PHOX2B: variants seen among roughly 807,000 people sequenced by gnomAD.
PHOX2B encodes the protein paired mesoderm homeobox protein 2B.
A neutral mutation model predicts 15.5 loss-of-function variants in PHOX2B; 1 was observed. The ratio of observed to expected loss-of-function variants is 0.06; its 90% confidence interval spans 0.02 to 0.31. The LOEUF is 0.31. Ranked by LOEUF, PHOX2B falls within the 10% of genes least tolerant of loss-of-function variation. The probability of loss-of-function intolerance (pLI) is 1.00; values close to 1 mark genes in which losing one functional copy is unlikely to be tolerated. For missense variants in PHOX2B, 314 were observed against 436.4 expected, an observed-to-expected ratio of 0.72 and a Z score of 2.50; for synonymous variants, 206 against 190.5, an observed-to-expected ratio of 1.08 and a Z score of -0.67.
At position 41,748,550 on chromosome 4, in the gene PHOX2B, T is replaced by G. The variant is rs780786684; in HGVS notation, c.61A>C (p.Met21Leu). 1 of 1,613,704 alleles carries G rather than the reference T, an allele frequency of 6.2e-7. No individual in the cohort carries two copies. The highest frequency in any genetic ancestry group is 8.5e-7 in the Non-Finnish European group (1 of 1,179,664). ...GCTGAAGCCAGGCTCGAGGTGTCCA[T>G]CCCAGCCATACAGGACTCGTAGGCA... ...SSAYESCMAG[M>L]DTSSLASAYA... Residue 21 changes from methionine (M) to leucine (L), a missense_variant, in exon 1 of 3, where the codon ATG becomes CTG. Met to Leu is a conservative substitution (Grantham distance 15). This residue lies in a region of PHOX2B where 102 missense variants were observed against 155.1 expected (regional missense o/e 0.66). Transcript: ENST00000226382.
chr4:41,747,663 T>C, intron 1 of PHOX2B, 127 bp from the exon 2 acceptor site: 1 of 791,102 alleles, frequency 1.3e-6, no homozygotes, highest in Non-Finnish European at 2.2e-6. Flanking sequence ...CGCGAGAGAG[T>C]TGCCGAGAGA....
Position 41,746,003 on chromosome 4 carries a change from G to T in PHOX2B, c.749C>A (p.Ala250Glu), listed in dbSNP as rs765803171. The T allele has an allele frequency of 5.2e-6, 6 of 1,160,646 alleles. No homozygotes were observed. Among genetic ancestry groups the T allele is most frequent in the Non-Finnish European group, 6.4e-6 (6 of 941,362 alleles). 71.9% of individuals were successfully genotyped at this position (1,160,646 alleles called of 1,614,324 possible). ...CGCCGCTGCCGCTGCCGCCGCCGCC[G>T]CTGCCGCGGCCGCCGCCGCTGCTGC... The part of the protein sequence containing the change: ...GAAAAAAAAA[A>E]AAAAAAAAAA... Residue 250 changes from alanine (A) to glutamate (E), a missense_variant, in exon 3 of 3, where the codon GCG (alanine) becomes GAG (glutamate). By Grantham distance (107) the Ala-to-Glu change is moderately radical (BLOSUM62 -1). Around this residue, in one of 7 missense-constraint regions of PHOX2B, gnomAD observed 157 missense variants for 169.0 expected, o/e 0.93. Transcript: ENST00000226382.
In PHOX2B at chr4:41,746,074, C is replaced by A. The variant is rs1577559118; in HGVS notation, c.678G>T (p.Ala226=). ...GGPSPAGAPG[A]AGPGGPGGEP... is the part of the protein sequence containing the mutation. Reference sequence around the variant, plus strand: ...CGCCTCCCGGGCCCCCGGGCCCCGCCGCCCCCGGAGCTCCAGCCGGGCTGG... The same window carrying A: ...CGCCTCCCGGGCCCCCGGGCCCCGCAGCCCCCGGAGCTCCAGCCGGGCTGG... The change falls in exon 3 of 3, where the codon GCG becomes GCT. Residue 226 remains alanine (A), a synonymous_variant. Transcript: ENST00000226382. The A allele has an allele frequency of 1.4e-6, 2 of 1,447,786 alleles. No individual in the cohort carries two copies. The highest frequency in any genetic ancestry group is 1.8e-6 in the Non-Finnish European group (2 of 1,108,960). The allele number at this position is 1,447,786 out of a possible 1,614,324, so 89.7% of individuals were successfully genotyped here.
chr4:41,747,169 G>C (rs1733927624), intron 2 of PHOX2B, among the ~76,000 whole-genome samples, 180 bp downstream of exon 2: 1 of 152,100 alleles, frequency 6.6e-6, no homozygotes. Context: ...TGCCAAGAGC[G>C]TGCGCTCTAA....
In PHOX2B at chr4:41,747,512, T is replaced by C; in HGVS notation, c.266A>G (p.His89Arg). ...CTTGCGCTTCTCGTTGAGGCCGCCG[T>C]GGTCCGTGAAGAGTTTGTAAGGAAC... ...AAVPYKLFTD[H>R]GGLNEKRKQR... The change falls in exon 2 of 3, where the codon CAC (histidine) becomes CGC (arginine). Residue 89 changes from histidine (H) to arginine (R), a missense_variant. Coordinates refer to ENST00000226382, the MANE Select transcript of PHOX2B (RefSeq NM_003924.4). The C allele has an allele frequency of 6.2e-7, 1 of 1,609,140 alleles. No homozygotes were observed. The highest frequency in any genetic ancestry group is 8.5e-7 in the Non-Finnish European group (1 of 1,179,956).
In PHOX2B at chr4:41,745,797, G is replaced by T; in HGVS notation, c.*10C>A. The T allele has an allele frequency of 1.2e-6, 2 of 1,604,878 alleles. No homozygotes were observed. The highest frequency in any genetic ancestry group is 8.5e-7 in the Non-Finnish European group (1 of 1,176,056). Reference sequence around the variant, plus strand: ...TGTCGCCGCCGCCGCCGCCGCCGCAGGATTCCAGATCAGAACATACTGCTC... The same window carrying T: ...TGTCGCCGCCGCCGCCGCCGCCGCATGATTCCAGATCAGAACATACTGCTC... On this transcript the variant is annotated 3_prime_UTR_variant, in exon 3 of 3. Transcript: ENST00000226382. This position sits in a 1 kb window ranked among gnomAD's most constrained non-coding sequence, Gnocchi z 4.0.
chr4:41,745,867 T>C lies in PHOX2B; in HGVS notation c.885A>G (p.Leu295=), dbSNP rs748382088. 1.2e-5 allele frequency: 19 copies of C among 1,608,898 alleles called. No individual in the cohort carries two copies. The highest frequency in any genetic ancestry group is 3.4e-5 in the Admixed American group (2 of 59,700). The change falls in exon 3 of 3, where the codon CTA becomes CTG. Residue 295 remains leucine (L), a synonymous_variant. Transcript: ENST00000226382. The surrounding 1 kb of genome is among the most constrained non-coding windows in gnomAD (Gnocchi z 4.0). ...CACCGTTGGGTCTTTGGAGCGAAGA[T>C]AGGACGCTGGCGAAGGGACCCCCAA... ...DSLGGPFASV[L]SSLQRPNGAK... is the part of the protein sequence containing the mutation.
In PHOX2B at chr4:41,746,110, G is replaced by A. The variant is rs190973308; in HGVS notation, c.642C>T (p.Gly214=). The A allele has an allele frequency of 3.0e-4, 473 of 1,581,920 alleles. 1 individual carries two copies. In the African/African-American group the frequency reaches 5.9e-3, roughly 20 times the overall value. ...PTPSCGANGG[G]GGGPSPAGAP... Reference sequence around the variant, plus strand: ...CTCCAGCCGGGCTGGGCCCGCCGCCGCCGCCTCCATTCGCCCCGCAGCTGG... The same window carrying A: ...CTCCAGCCGGGCTGGGCCCGCCGCCACCGCCTCCATTCGCCCCGCAGCTGG... The change falls in exon 3 of 3, where the codon GGC becomes GGT. Residue 214 remains glycine, a synonymous_variant. Coordinates refer to ENST00000226382, the MANE Select transcript of PHOX2B (RefSeq NM_003924.4).
At position 41,745,579 on chromosome 4, in the gene PHOX2B, G is replaced by A. The variant is rs1438549802; in HGVS notation, c.*228C>T. On this transcript the variant is annotated 3_prime_UTR_variant, in exon 3 of 3. Coordinates refer to ENST00000226382, the MANE Select transcript of PHOX2B (RefSeq NM_003924.4). This position sits in a 1 kb window ranked among gnomAD's most constrained non-coding sequence, Gnocchi z 4.0. Reference sequence around the variant, plus strand: ...GGCCCCAGGCAGGTGCGAAGCCAGGGAAGTTTGTTTGTTTTGTTTGGGGGT... The same window carrying A: ...GGCCCCAGGCAGGTGCGAAGCCAGGAAAGTTTGTTTGTTTTGTTTGGGGGT... 3.8e-6 allele frequency: 2 copies of A among 524,814 alleles called. No homozygotes were observed. Among genetic ancestry groups the A allele is most frequent in the Non-Finnish European group, 6.5e-6 (2 of 307,344 alleles). 32.5% of individuals were successfully genotyped at this position (524,814 alleles called of 1,614,324 possible).
chr4:41,748,509 A>G lies in PHOX2B; in HGVS notation c.102T>C (p.Ser34=). ...SSLASAYADF[S]SCSQASGFQY... is the part of the protein sequence containing the mutation. ...GGAAGCCACTGGCCTGGCTGCAGGAACTGAAGTCAGCATAGGCTGAAGCCA... is the reference window on the plus strand; with the variant it reads ...GGAAGCCACTGGCCTGGCTGCAGGAGCTGAAGTCAGCATAGGCTGAAGCCA... Residue 34 remains serine, a synonymous_variant, in exon 1 of 3, where the codon AGT becomes AGC. Transcript: ENST00000226382. 1 of 1,614,202 alleles carries G rather than the reference A, an allele frequency of 6.2e-7. No individual in the cohort carries two copies. Among genetic ancestry groups the G allele is most frequent in the Non-Finnish European group, 8.5e-7 (1 of 1,180,006 alleles).
In PHOX2B at chr4:41,746,044, G is replaced by C. The variant is rs949110097; in HGVS notation, c.708C>G (p.Pro236=). 2 of 1,294,034 alleles carry C rather than the reference G, an allele frequency of 1.5e-6. No homozygotes were observed. Among genetic ancestry groups the C allele is most frequent in the Non-Finnish European group, 1.9e-6 (2 of 1,026,878 alleles). The allele number at this position is 1,294,034 out of a possible 1,614,324, so 80.2% of individuals were successfully genotyped here. A position where few individuals can be genotyped will look rare whatever the true frequency, so the allele number is the denominator to read the frequency against. Residue 236 remains proline, a synonymous_variant, in exon 3 of 3, where the codon CCC becomes CCG. Transcript: ENST00000226382. ...AAGPGGPGGE[P]GKGGAAAAAA... is the part of the protein sequence containing the mutation. ...CCGCTGCTGCTGCGCCGCCCTTGCC[G>C]GGTTCGCCTCCCGGGCCCCCGGGCC...
chr4:41,746,634 C>A (rs776440195), intron 2 of PHOX2B, among the ~76,000 whole-genome samples: 32 of 152,190 alleles, frequency 2.1e-4, no homozygotes, highest in Admixed American at 5.9e-4. Context: ...TCTGTTCAGT[C>A]GGCTTCTTGA....
intron 2 of PHOX2B, 43 bp downstream of exon 2, chr4:41,747,306 G>C (rs1410318554): frequency 6.5e-6 from 10 of 1,542,756 alleles, no homozygotes; most frequent in African/African-American, 1.4e-5. Context: ...ACACCTCCCC[G>C]GACCAGTGCG....
At chr4:41,746,558 G>A (rs1733907529) in intron 2 of PHOX2B, among the ~76,000 whole-genome samples, 1 of 152,118 alleles carries the variant, frequency 6.6e-6, no homozygotes, top group African/African-American at 2.4e-5. Flanking sequence ...GAAGGCTTGC[G>A]GCAGAGTTTA....
Position 41,746,164 on chromosome 4 carries a change from C to G in PHOX2B, c.588G>C (p.Gly196=). The change falls in exon 3 of 3, where the codon GGG becomes GGC. Residue 196 remains glycine (G), a synonymous_variant. Transcript: ENST00000226382. ...TGGGGTTGGGATTGGGACCTGGGCC[C>G]CCAGTGCTGTCCGGGTCAGTGCTCT... ...EAKSTDPDST[G]GPGPNPNPTP... 2 of 1,613,082 alleles carry G rather than the reference C, an allele frequency of 1.2e-6. No homozygotes were observed. Among genetic ancestry groups the G allele is most frequent in the South Asian group, 1.1e-5 (1 of 91,080 alleles).
rs1247192400 is a variant in PHOX2B at position 41,744,442 on chromosome 4, G to T, written c.*1365C>A. 1 of 232,200 alleles carries T rather than the reference G, an allele frequency of 4.3e-6. No individual in the cohort carries two copies. The highest frequency in any genetic ancestry group is 8.5e-6 in the Non-Finnish European group (1 of 117,252). 14.4% of individuals were successfully genotyped at this position (232,200 alleles called of 1,614,324 possible). A position where few individuals can be genotyped will look rare whatever the true frequency, so the allele number is the denominator to read the frequency against. On this transcript the variant is annotated 3_prime_UTR_variant, in exon 3 of 3. Coordinates refer to ENST00000226382, the MANE Select transcript of PHOX2B (RefSeq NM_003924.4). The stretch of plus-strand genomic sequence containing the variant: ...TACGGTCACGTAGAGGAGACAGTCT[G>T]CACTGATATTAACACGATACAATTG...
chr4:41,748,630 T>C lies in PHOX2B; in HGVS notation c.-20A>G. 6.2e-7 allele frequency: 1 copy of C among 1,611,480 alleles called. No individual in the cohort carries two copies. The highest frequency in any genetic ancestry group is 1.1e-5 in the South Asian group (1 of 90,874). ...ATACATTGAAAAGGTTCTGGATGGC[T>C]CAGCCAAGTGGAAAAATGAAATAAA... On this transcript the variant is annotated 5_prime_UTR_variant, in exon 1 of 3. Coordinates refer to ENST00000226382, the MANE Select transcript of PHOX2B (RefSeq NM_003924.4).
chr4:41,747,075 C>T (rs940232890), intron 2 of PHOX2B, among the ~76,000 whole-genome samples: 1 of 152,176 alleles, frequency 6.6e-6, no homozygotes, highest in South Asian at 2.1e-4. Flanking sequence ...CACTTCCTGT[C>T]CCCGAAATTG....
In PHOX2B at chr4:41,745,581, AGTTT is replaced by A. The variant is rs911406786; in HGVS notation, c.*222_*225del. The A allele has an allele frequency of 2.0e-5, 10 of 491,922 alleles. No individual in the cohort carries two copies. The highest frequency in any genetic ancestry group is 1.0e-4 in the African/African-American group (5 of 49,190). The allele number at this position is 491,922 out of a possible 1,614,324, so 30.5% of individuals were successfully genotyped here. Reference sequence around the variant, plus strand: ...CCCCAGGCAGGTGCGAAGCCAGGGAAGTTTGTTTGTTTTGTTTGGGGGTTGAGGA... The same window carrying A: ...CCCCAGGCAGGTGCGAAGCCAGGGAAGTTTGTTTTGTTTGGGGGTTGAGGA... On this transcript the variant is annotated 3_prime_UTR_variant, in exon 3 of 3. Transcript: ENST00000226382. This position sits in a 1 kb window ranked among gnomAD's most constrained non-coding sequence, Gnocchi z 4.0.
Sources: allele counts gnomAD v4.1 joint callset (sites outside exome capture counted in the v4.1 genomes callset), GRCh38; gene constraint gnomAD v4.1.1; regional missense constraint gnomAD v4.1.1; non-coding constraint Gnocchi (gnomAD v3.1); transcripts MANE v1.5; gene names NCBI Gene and HGNC (gene_info 2026-07-23, HGNC 2026-07-21).